MTERF2: variants seen among roughly 807,000 people sequenced by gnomAD.
The protein encoded by MTERF2 is transcription termination factor 2, mitochondrial.
In MTERF2, 23 loss-of-function variants were observed where a neutral mutation model predicts 29.2. The ratio of observed to expected loss-of-function variants is 0.79; its 90% CI spans 0.57 to 1.12. MTERF2 has a LOEUF of 1.12. MTERF2 is among the 50% of genes most tolerant of loss of function. MTERF2 has a pLI of 0.00. For synonymous variants in MTERF2, 157 were observed against 159.5 expected (o/e 0.98, Z 0.12); for missense variants, 440 against 429.4 (o/e 1.02, Z -0.22).
In MTERF2 at chr12:106,978,029, T is replaced by C. The variant is rs1366545098; in HGVS notation, c.686A>G (p.Glu229Gly). The change falls in exon 3 of 3, where the codon GAA becomes GGA. Residue 229 changes from glutamate (E) to glycine (G), a missense_variant. Transcript: ENST00000240050. ...TTGCTCCTGGAGAAATTCTAGTGTT[T>C]CCTTTATAGCTGTGGGAGAATTTAA... ...ILLNSPTAIK[E>G]TLEFLQEQGF... The C allele has an allele frequency of 3.7e-6, 6 of 1,614,206 alleles. No individual in the cohort carries two copies. Among genetic ancestry groups the C allele is most frequent in the Non-Finnish European group, 5.1e-6 (6 of 1,180,016 alleles).
chr12:106,978,170 T>C lies in MTERF2; in HGVS notation c.545A>G (p.Glu182Gly), dbSNP rs771327369. The change falls in exon 3 of 3, where the codon GAG (glutamate) becomes GGG (glycine). Residue 182 changes from glutamate to glycine, a missense_variant. Physicochemically the swap from Glu to Gly is moderately conservative, Grantham distance 98. Coordinates refer to ENST00000240050, the MANE Select transcript of MTERF2 (RefSeq NM_001033050.3). ...AAPNVFHNPV[E>G]KNKQMVRILQ... is the part of the protein sequence containing the mutation. Reference sequence around the variant, plus strand: ...AATTCTTACCATTTGCTTATTCTTCTCAACAGGATTATGAAAAACATTAGG... The same window carrying C: ...AATTCTTACCATTTGCTTATTCTTCCCAACAGGATTATGAAAAACATTAGG... The C allele has an allele frequency of 6.2e-7, 1 of 1,614,066 alleles. No homozygotes were observed. The highest frequency in any genetic ancestry group is 1.7e-5 in the Admixed American group (1 of 60,016).
intron 2 of MTERF2, among the ~76,000 whole-genome samples, chr12:106,983,780 C>T (rs1271033029): frequency 6.6e-6 from 1 of 152,166 alleles, no homozygotes; most frequent in Non-Finnish European, 1.5e-5. Context: ...GCTTTTGTCT[C>T]TAATTTGCCT....
At chr12:106,979,691 G>A (rs1952031974) in intron 2 of MTERF2, among the ~76,000 whole-genome samples, 2 of 152,180 alleles carry the variant, frequency 1.3e-5, no homozygotes, top group African/African-American at 4.8e-5. Flanking sequence ...CAGGTCAGCT[G>A]TGGAATGGTG....
intron 2 of MTERF2, among the ~76,000 whole-genome samples, 185 bp from the exon 3 acceptor site, chr12:106,978,956 T>G (rs1033575398): frequency 6.6e-6 from 1 of 151,954 alleles, no homozygotes; most frequent in Non-Finnish European, 1.5e-5. Context: ...AAGCCCGAGG[T>G]TGCAGTGAGC....
chr12:106,978,507 G>A lies in MTERF2; in HGVS notation c.208C>T (p.Leu70Phe). 2.5e-6 allele frequency: 4 copies of A among 1,614,214 alleles called. No individual in the cohort carries two copies. The highest frequency in any genetic ancestry group is 3.4e-6 in the Non-Finnish European group (4 of 1,180,030). Residue 70 changes from leucine to phenylalanine, a missense_variant, in exon 3 of 3, where the codon CTT becomes TTT. By Grantham distance (22) the Leu-to-Phe change is conservative. Transcript: ENST00000240050. The stretch of plus-strand genomic sequence containing the variant: ...TCAACATAGGTTTCATCCTCTAAAA[G>A]TACCCATCCTTTTAATCTACGAATT... ...RKIRRLKGWV[L>F]LEDETYVEEI...
chr12:106,986,483 A>C (rs1323854076), intron 1 of MTERF2: 2 of 151,974 alleles, frequency 1.3e-5, no homozygotes, highest in African/African-American at 2.4e-5. Context: ...AAAACAAAAA[A>C]CCGGCAGAAT....
At chr12:106,985,667 C>T (rs997263793) in intron 1 of MTERF2, 2 of 152,284 alleles carry the variant, frequency 1.3e-5, no homozygotes, top group Non-Finnish European at 2.9e-5. Flanking sequence ...TATCCTTCAC[C>T]CAGCTGCCTT....
intron 2 of MTERF2, among the ~76,000 whole-genome samples, chr12:106,980,084 G>T (rs1383618587): frequency 6.6e-6 from 1 of 152,058 alleles, no homozygotes; most frequent in Non-Finnish European, 1.5e-5. Flanking sequence ...TTTTAGTAGA[G>T]ACGAGGTTTC....
chr12:106,977,549 T>C lies in MTERF2; in HGVS notation c.*8A>G, dbSNP rs758113078. The C allele has an allele frequency of 6.3e-7, 1 of 1,595,536 alleles. No individual in the cohort carries two copies. The highest frequency in any genetic ancestry group is 8.5e-7 in the Non-Finnish European group (1 of 1,172,444). On this transcript the variant is annotated 3_prime_UTR_variant, in exon 3 of 3. Coordinates refer to ENST00000240050, the MANE Select transcript of MTERF2 (RefSeq NM_001033050.3). ...CACTGCTAGAAAGAAGCAACAACAG[T>C]CAGTATGTCATTCTTCAACATTTAA...
chr12:106,982,472 A>G (rs191561046), intron 2 of MTERF2, among the ~76,000 whole-genome samples: 1 of 152,338 alleles, frequency 6.6e-6, no homozygotes, highest in East Asian at 1.9e-4. Context: ...CTGACTATGG[A>G]AGTGAAAAGT....
intron 2 of MTERF2, among the ~76,000 whole-genome samples, chr12:106,979,723 A>C (rs1952032632): frequency 6.6e-6 from 1 of 152,160 alleles, no homozygotes; most frequent in Non-Finnish European, 1.5e-5. Flanking sequence ...AGAACAGTGT[A>C]ATCAGCTATC....
chr12:106,985,831 A>C (rs763631338), intron 1 of MTERF2: 1 of 152,234 alleles, frequency 6.6e-6, no homozygotes, highest in African/African-American at 2.4e-5. Flanking sequence ...TTGAAGTTCA[A>C]GCTGTGTATC....
chr12:106,977,418 T>C lies in MTERF2; in HGVS notation c.*139A>G. On this transcript the variant is annotated 3_prime_UTR_variant, in exon 3 of 3. Coordinates refer to ENST00000240050, the MANE Select transcript of MTERF2 (RefSeq NM_001033050.3). ...TATGGCACATGAGTCAGAATTTATCTATTTAGAGATAACTTAAATACAACA... is the reference window on the plus strand; with the variant it reads ...TATGGCACATGAGTCAGAATTTATCCATTTAGAGATAACTTAAATACAACA... The C allele has an allele frequency of 1.7e-6, 1 of 602,124 alleles. No homozygotes were observed. The highest frequency in any genetic ancestry group is 2.8e-6 in the Non-Finnish European group (1 of 357,528). 37.3% of individuals were successfully genotyped at this position (602,124 alleles called of 1,614,324 possible).
rs1952001723 is a variant in MTERF2, at chr12:106,977,770, C to T, written c.945G>A (p.Gln315=). ...GLLREGISIA[Q]IRETPMVLEL... is the part of the protein sequence containing the mutation. Reference sequence around the variant, plus strand: ...CAAGAACCATTGGCGTCTCTCTTATCTGAGCTATGGAAATTCCTTCTCTCA... The same window carrying T: ...CAAGAACCATTGGCGTCTCTCTTATTTGAGCTATGGAAATTCCTTCTCTCA... The change falls in exon 3 of 3, where the codon CAG becomes CAA. Residue 315 remains glutamine, a synonymous_variant. Transcript: ENST00000240050. 1.2e-6 allele frequency: 2 copies of T among 1,613,890 alleles called. No homozygotes were observed. Among genetic ancestry groups the T allele is most frequent in the Admixed American group, 1.7e-5 (1 of 60,006 alleles).
chr12:106,981,922 A>G (rs192818191), intron 2 of MTERF2, among the ~76,000 whole-genome samples: 1 of 152,334 alleles, frequency 6.6e-6, no homozygotes, highest in East Asian at 1.9e-4. Context: ...AAGTATAAGG[A>G]AATGGAAAAA....
intron 2 of MTERF2, among the ~76,000 whole-genome samples, chr12:106,983,759 T>G (rs971548434): frequency 2.0e-5 from 3 of 152,192 alleles, no homozygotes; most frequent in Admixed American, 6.5e-5. Context: ...CTTTATCATA[T>G]GTTAAATGTA....
intron 1 of MTERF2, chr12:106,986,467 AAAC>A (rs1366564133): frequency 3.9e-5 from 6 of 151,942 alleles, no homozygotes; most frequent in African/African-American, 1.5e-4. Context: ...CTAAAAAAAA[AAAC>A]AAAAAACAAA....
Position 106,978,099 on chromosome 12 carries a change from T to G in MTERF2, c.616A>C (p.Lys206Gln). 8 of 1,614,090 alleles carry G rather than the reference T, an allele frequency of 5.0e-6. No homozygotes were observed. Among genetic ancestry groups the G allele is most frequent in the Non-Finnish European group, 6.8e-6 (8 of 1,180,012 alleles). Residue 206 changes from lysine (K) to glutamine (Q), a missense_variant, in exon 3 of 3, where the codon AAA becomes CAA. Transcript: ENST00000240050. ...LDVGGSEANM[K>Q]VWLLKLLSQN... ...CTTAACAATTTTAGTAGCCAAACTTTCATGTTGGCCTCAGAGCCACCTACA... is the reference window on the plus strand; with the variant it reads ...CTTAACAATTTTAGTAGCCAAACTTGCATGTTGGCCTCAGAGCCACCTACA...
chr12:106,985,484 C>G (rs1041524905), intron 1 of MTERF2: 9 of 152,290 alleles, frequency 5.9e-5, no homozygotes, highest in Non-Finnish European at 1.3e-4. Context: ...GGAAACTTTT[C>G]TAACCTTCAC....
Sources: allele counts gnomAD v4.1 joint callset (sites outside exome capture counted in the v4.1 genomes callset), GRCh38; gene constraint gnomAD v4.1.1; transcripts MANE v1.5; gene names NCBI Gene and HGNC (gene_info 2026-07-23, HGNC 2026-07-21).